VAV3: variants seen among roughly 807,000 people sequenced by gnomAD.
VAV3 encodes vav guanine nucleotide exchange factor 3.
A neutral mutation model predicts 131.2 loss-of-function variants in VAV3; 94 were observed. The observed-to-expected ratio is 0.72, with a 90% confidence interval of 0.61 to 0.85. The LOEUF is 0.85. Among genes scored for constraint, VAV3 ranks in the 40% least tolerant of loss-of-function variants. The pLI is 0.00. For synonymous variants in VAV3, 349 were observed against 342.0 expected (o/e 1.02, Z -0.22); for missense variants, 939 against 1,002.7 (o/e 0.94, Z 0.86).
rs1360200088 is a variant in VAV3 at position 107,602,414 on chromosome 1, T to C, written c.2203A>G (p.Lys735Glu). 6.4e-7 allele frequency: 1 copy of C among 1,570,740 alleles called. No individual in the cohort carries two copies. Residue 735 changes from lysine to glutamate, a missense_variant, in exon 24 of 27, where the codon AAA becomes GAA. By Grantham distance (56) the Lys-to-Glu change is moderately conservative. Coordinates refer to ENST00000370056, the MANE Select transcript of VAV3 (RefSeq NM_006113.5). ...ATGCTTACCATTAAACTTTTAAATTTTCTATTTTCTGCAATGTGAAAAAAG... is the reference window on the plus strand; with the variant it reads ...ATGCTTACCATTAAACTTTTAAATTCTCTATTTTCTGCAATGTGAAAAAAG... ...DGFFHIAENR[K>E]FKSLMELVEY...
At chr1:107,919,884 A>G (rs1672809720) in intron 1 of VAV3, among the ~76,000 whole-genome samples, 1 of 152,206 alleles carries the variant, frequency 6.6e-6, no homozygotes, top group Non-Finnish European at 1.5e-5. Context: ...AACATAAAAA[A>G]CATTACCTTA....
At chr1:107,770,281 C>CG (rs1257188238) in intron 6 of VAV3, among the ~76,000 whole-genome samples, 1 of 151,948 alleles carries the variant, frequency 6.6e-6, no homozygotes, top group Non-Finnish European at 1.5e-5. Flanking sequence ...GCCACCAGCC[C>CG]TCCCCCCCCA....
At chr1:107,586,165 C>T (rs1240635072) in intron 25 of VAV3, among the ~76,000 whole-genome samples, 1 of 149,506 alleles carries the variant, frequency 6.7e-6, no homozygotes, top group African/African-American at 2.5e-5. Flanking sequence ...TTTCCCAGAG[C>T]GCTCAGTAAC....
intron 2 of VAV3, among the ~76,000 whole-genome samples, chr1:107,798,364 C>G (rs1346840198): frequency 1.3e-5 from 2 of 151,556 alleles, no homozygotes; most frequent in Non-Finnish European, 2.9e-5. Context: ...TCCCACACAC[C>G]CCTTCCCAAT....
intron 1 of VAV3, among the ~76,000 whole-genome samples, chr1:107,920,479 G>A (rs1229451162): frequency 1.3e-5 from 2 of 152,042 alleles, no homozygotes; most frequent in Non-Finnish European, 2.9e-5. Flanking sequence ...GGAGAGACAG[G>A]GCATTTTGCT....
intron 22 of VAV3, among the ~76,000 whole-genome samples, chr1:107,607,172 T>G (rs542019998): frequency 8.1e-4 from 123 of 152,046 alleles, no homozygotes; most frequent in Non-Finnish European, 1.6e-3. Flanking sequence ...CAGGCTGGTC[T>G]TGAACTCCTG....
intron 2 of VAV3, among the ~76,000 whole-genome samples, chr1:107,787,780 T>C (rs1186548317): frequency 6.6e-6 from 1 of 152,200 alleles, no homozygotes; most frequent in Non-Finnish European, 1.5e-5. Flanking sequence ...AAGAAGGTCA[T>C]TGAGCAAATT....
chr1:107,956,857 G>T (rs1674840182), intron 1 of VAV3, among the ~76,000 whole-genome samples: 1 of 151,996 alleles, frequency 6.6e-6, no homozygotes, highest in African/African-American at 2.4e-5. Flanking sequence ...AATTTTACCA[G>T]GGTTTTGTTT....
rs1237096244 is a variant in VAV3, at chr1:107,575,002, C to CGT, written c.2351-805_2351-804insAC. ...GTGTGTGTGTGTGTGTGCGTGCGTG[C>CGT]GCGCGCGCGCGCGCACACGCGCGCG... On this transcript the variant is annotated intron_variant, in intron 25 of 26. Transcript: ENST00000370056. Among the ~76,000 whole-genome samples the CGT allele has an allele frequency of 2.9e-3, 245 of 85,286 alleles. 2 individuals are homozygous for CGT. Among genetic ancestry groups the CGT allele is most frequent in the African/African-American group, 0.014 (240 of 17,584 alleles). The allele number at this position is 85,286 out of a possible 152,430, so 56.0% of individuals were successfully genotyped here. A position where few individuals can be genotyped will look rare whatever the true frequency, so the allele number is the denominator to read the frequency against.
intron 2 of VAV3, among the ~76,000 whole-genome samples, chr1:107,860,520 G>A (rs1669689646): frequency 6.6e-6 from 1 of 151,082 alleles, no homozygotes; most frequent in East Asian, 1.9e-4. Context: ...TTGACTTCAG[G>A]GCTGCTGAGA....
At chr1:107,573,468 A>C in intron 26 of VAV3, 96 bp from the exon 27 acceptor site, 3 of 1,427,290 alleles carry the variant, frequency 2.1e-6, no homozygotes, top group Non-Finnish European at 2.9e-6. Context: ...TAACACCCCA[A>C]TTAAACTGGG....
At chr1:107,581,515 T>C (rs1650049271) in intron 25 of VAV3, among the ~76,000 whole-genome samples, 1 of 152,222 alleles carries the variant, frequency 6.6e-6, no homozygotes, top group Admixed American at 6.5e-5. Flanking sequence ...AGAAGTTATC[T>C]GTTAAATAAA....
At chr1:107,749,709 G>GT in intron 13 of VAV3, 115 bp from the exon 14 acceptor site, 1 of 1,181,770 alleles carries the variant, frequency 8.5e-7, no homozygotes, top group Non-Finnish European at 1.2e-6. Flanking sequence ...ACAACAGGTA[G>GT]TATCATACAC....
chr1:107,721,504 A>G (rs1302757098), intron 15 of VAV3, among the ~76,000 whole-genome samples: 2 of 152,216 alleles, frequency 1.3e-5, no homozygotes, highest in Non-Finnish European at 2.9e-5. Flanking sequence ...AAGGGCCACA[A>G]GGCTGGATAC....
chr1:107,629,512 T>C (rs1315865113), intron 20 of VAV3, among the ~76,000 whole-genome samples: 1 of 152,188 alleles, frequency 6.6e-6, no homozygotes, highest in Non-Finnish European at 1.5e-5. Context: ...TAGTAAAAAC[T>C]ATGCCTTACA....
chr1:107,812,151 T>C (rs1667343428), intron 2 of VAV3, among the ~76,000 whole-genome samples: 1 of 152,062 alleles, frequency 6.6e-6, no homozygotes, highest in South Asian at 2.1e-4. Context: ...GCTTTACAAG[T>C]TTTGGCTTAC....
intron 19 of VAV3, among the ~76,000 whole-genome samples, chr1:107,681,654 CT>C (rs66909735): frequency 0.11 from 14,209 of 127,190 alleles, 801 homozygotes; most frequent in East Asian, 0.42. Context: ...TAATGGAAAA[CT>C]TTTTTTTTTT....
chr1:107,663,062 C>A (rs193036258), intron 19 of VAV3, among the ~76,000 whole-genome samples: 3 of 152,198 alleles, frequency 2.0e-5, no homozygotes, highest in Non-Finnish European at 4.4e-5. Context: ...AGAATATATG[C>A]GGTAAATCCA....
At position 107,895,742 on chromosome 1, in the gene VAV3, T is replaced by C. The variant is rs539884884; in HGVS notation, c.205-20725A>G. ...ATAATAGAGTAGCATTTTTATTAAA[T>C]AGTAATCCCACCCCAATCATGTGTC... is the stretch of plus-strand genomic sequence containing the variant. On this transcript the variant is annotated intron_variant, in intron 1 of 26. Coordinates refer to ENST00000370056, the MANE Select transcript of VAV3 (RefSeq NM_006113.5). 2.0e-5 allele frequency among the ~76,000 whole-genome samples: 3 copies of C among 152,348 alleles called. No homozygotes were observed. In the East Asian group the frequency reaches 5.8e-4, roughly 29 times the overall value.
Sources: allele counts gnomAD v4.1 joint callset (sites outside exome capture counted in the v4.1 genomes callset), GRCh38; gene constraint gnomAD v4.1.1; transcripts MANE v1.5; gene names NCBI Gene and HGNC (gene_info 2026-07-23, HGNC 2026-07-21).